The following ANKLE2 variants were observed in gnomAD, a reference collection of about 807,000 sequenced individuals.
ANKLE2 encodes the protein ankyrin repeat and LEM domain containing 2.
ANKLE2 carries 55 observed loss-of-function variants against 84.2 expected under a neutral mutation model. That is an observed-to-expected ratio of 0.65 (90% CI 0.53 to 0.82). The LOEUF (loss-of-function observed/expected upper bound fraction) is 0.82, where lower values mean the gene tolerates loss of function less well. Among genes scored for constraint, ANKLE2 ranks in the 40% least tolerant of loss-of-function variants. The pLI, the probability that ANKLE2 is intolerant of heterozygous loss-of-function variation, is 0.00. For synonymous variants in ANKLE2, 551 were observed against 486.1 expected (o/e 1.13, Z -1.76); for missense variants, 1,238 against 1,201.9 (o/e 1.03, Z -0.44).
intron 5 of ANKLE2, chr12:132,745,259 A>G (rs1005243581): frequency 2.3e-4 from 44 of 190,330 alleles, no homozygotes; most frequent in Admixed American, 4.4e-4. Context: ...TGCCCAGGCT[A>G]CTGCTGTTGA....
chr12:132,752,617 C>T (rs138928804), intron 2 of ANKLE2, among the ~76,000 whole-genome samples: 255 of 152,202 alleles, frequency 1.7e-3, no homozygotes, highest in Non-Finnish European at 3.2e-3. Context: ...GATCTGCCTG[C>T]CTCGGCCTCC....
chr12:132,734,606 GT>G, intron 9 of ANKLE2, 31 bp from the exon 10 acceptor site: 2 of 1,571,188 alleles, frequency 1.3e-6, no homozygotes, highest in Non-Finnish European at 1.7e-6. Context: ...TTAACCAGCT[GT>G]GAAACCAGAA....
rs758943874 is a variant in ANKLE2, at chr12:132,747,823, T to C, written c.1230+9A>G. 1 of 1,590,104 alleles carries C rather than the reference T, an allele frequency of 6.3e-7. No homozygotes were observed. Among genetic ancestry groups the C allele is most frequent in the Non-Finnish European group, 8.5e-7 (1 of 1,174,348 alleles). ...ATAAAGAAAGCGTGAGTGGAGGGTG[T>C]GCACGCACCATCTTGTCGGGGGTGT... On this transcript the variant is annotated intron_variant, in intron 5 of 12. Coordinates refer to ENST00000357997, the MANE Select transcript of ANKLE2 (RefSeq NM_015114.3).
rs1785369217 is a variant in ANKLE2, at chr12:132,727,173, G to C, written c.*69C>G. 1 of 1,410,408 alleles carries C rather than the reference G, an allele frequency of 7.1e-7. No homozygotes were observed. Among genetic ancestry groups the C allele is most frequent in the South Asian group, 1.5e-5 (1 of 68,216 alleles). The allele number at this position is 1,410,408 out of a possible 1,614,324, so 87.4% of individuals were successfully genotyped here. A position where few individuals can be genotyped will look rare whatever the true frequency, so the allele number is the denominator to read the frequency against. On this transcript the variant is annotated 3_prime_UTR_variant, in exon 13 of 13. Coordinates refer to ENST00000357997, the MANE Select transcript of ANKLE2 (RefSeq NM_015114.3). Reference sequence around the variant, plus strand: ...AATCAGAATATATTCCTTTTTGACAGTTTAGCAATAAACATATGACCCTTC... The same window carrying C: ...AATCAGAATATATTCCTTTTTGACACTTTAGCAATAAACATATGACCCTTC...
At chr12:132,733,997 T>C (rs929427132) in intron 10 of ANKLE2, 12 of 460,272 alleles carry the variant, frequency 2.6e-5, no homozygotes, top group African/African-American at 2.4e-4. Flanking sequence ...AACATTAACC[T>C]TCCCAGCACT....
In ANKLE2 at chr12:132,743,374, T is replaced by A; in HGVS notation, c.1231-98A>T. 7.1e-7 allele frequency: 1 copy of A among 1,415,842 alleles called. No homozygotes were observed. Among genetic ancestry groups the A allele is most frequent in the Non-Finnish European group, 9.4e-7 (1 of 1,066,462 alleles). The allele number at this position is 1,415,842 out of a possible 1,614,324, so 87.7% of individuals were successfully genotyped here. A position where few individuals can be genotyped will look rare whatever the true frequency, so the allele number is the denominator to read the frequency against. On this transcript the variant is annotated intron_variant, in intron 5 of 12. Transcript: ENST00000357997. The surrounding 1 kb of genome is among the most constrained non-coding windows in gnomAD (Gnocchi z 4.1). ...ATTCATTCATTCATTCATTCATTTA[T>A]TTATTTTGAGACGGAGTCTCACTGG...
intron 3 of ANKLE2, among the ~76,000 whole-genome samples, chr12:132,749,304 T>C (rs2044307584): frequency 6.6e-6 from 1 of 152,056 alleles, no homozygotes; most frequent in African/African-American, 2.4e-5. Context: ...TACAGGCACC[T>C]GCCACCACGG....
chr12:132,740,260 A>T (rs2044094769), intron 7 of ANKLE2, among the ~76,000 whole-genome samples: 1 of 152,180 alleles, frequency 6.6e-6, no homozygotes, highest in African/African-American at 2.4e-5. Context: ...ACAGCTACAC[A>T]CACTGAAGAA....
Position 132,727,407 on chromosome 12 carries a change from A to C in ANKLE2, c.2652T>G (p.Ser884=). 6.4e-7 allele frequency: 1 copy of C among 1,561,052 alleles called. No individual in the cohort carries two copies. Among genetic ancestry groups the C allele is most frequent in the Non-Finnish European group, 8.7e-7 (1 of 1,152,422 alleles). Residue 884 remains serine, a synonymous_variant, in exon 13 of 13, where the codon TCT becomes TCG. Coordinates refer to ENST00000357997, the MANE Select transcript of ANKLE2 (RefSeq NM_015114.3). ...PSPAVKGRFK[S]QLPDLSGPHS... ...GAGGGCCACTGAGATCTGGCAGCTG[A>C]GACTTGAACCTTCCTTTCACCGCGG...
intron 5 of ANKLE2, 97 bp downstream of exon 5, chr12:132,747,735 A>G: frequency 2.1e-6 from 3 of 1,454,042 alleles, no homozygotes; most frequent in Non-Finnish European, 2.8e-6. Flanking sequence ...CCCCAAAGTT[A>G]TTATACTAAT....
Position 132,743,080 on chromosome 12 carries a change from G to A in ANKLE2, c.1353+74C>T, listed in dbSNP as rs1170535979. The A allele has an allele frequency of 4.0e-5, 57 of 1,421,842 alleles. No homozygotes were observed. In the East Asian group the frequency reaches 1.4e-3, roughly 34 times the overall value. 88.1% of individuals were successfully genotyped at this position (1,421,842 alleles called of 1,614,324 possible). On this transcript the variant is annotated intron_variant, in intron 6 of 12. Coordinates refer to ENST00000357997, the MANE Select transcript of ANKLE2 (RefSeq NM_015114.3). The surrounding 1 kb of genome is among the most constrained non-coding windows in gnomAD (Gnocchi z 4.1). ...AGCTCCTTGTGGCTTCCCTGTGCCT[G>A]TGATCACAGACTGTAAATTTATATA...
rs375915843 is a variant in ANKLE2, at chr12:132,727,378, C to T, written c.2681G>A (p.Ser894Asn). Residue 894 changes from serine (S) to asparagine (N), a missense_variant, in exon 13 of 13, where the codon AGC (serine) becomes AAC (asparagine). By Grantham distance (46) the Ser-to-Asn change is conservative. Transcript: ENST00000357997. ...CACGCTGTTTCTCCCCGGACTGTAG[C>T]TGTGAGGGCCACTGAGATCTGGCAG... is the stretch of plus-strand genomic sequence containing the variant. ...SQLPDLSGPH[S>N]YSPGRNSVAG... 179 of 1,561,590 alleles carry T rather than the reference C, an allele frequency of 1.1e-4. 1 individual carries two copies. The African/African-American group carries it at 2.1e-3, about 19-fold the overall frequency.
chr12:132,744,406 A>G (rs2044191259), intron 5 of ANKLE2, among the ~76,000 whole-genome samples: 1 of 152,154 alleles, frequency 6.6e-6, no homozygotes, highest in East Asian at 1.9e-4. Flanking sequence ...CATGGCAGCC[A>G]TCCCTAAGCT....
chr12:132,735,956 T>A (rs1274699731), intron 8 of ANKLE2, among the ~76,000 whole-genome samples: 2 of 152,338 alleles, frequency 1.3e-5, no homozygotes, highest in African/African-American at 4.8e-5. Context: ...GGGGCCATTT[T>A]CTTTTTTGTT....
In ANKLE2 at chr12:132,736,905, C is replaced by G. The variant is rs1356713557; in HGVS notation, c.1581G>C (p.Leu527=). 10 of 1,608,298 alleles carry G rather than the reference C, an allele frequency of 6.2e-6. No homozygotes were observed. The highest frequency in any genetic ancestry group is 1.3e-5 in the African/African-American group (1 of 74,844). ...VLTLRAFAGP[L]SPAKAEDFRK... ...TACAGCAGCTCACCTTGGCTGGACT[C>G]AGGGGCCCTGCGAAGGCTCTCAGGG... The change falls in exon 8 of 13, where the codon CTG becomes CTC. Residue 527 remains leucine (L), a synonymous_variant. Coordinates refer to ENST00000357997, the MANE Select transcript of ANKLE2 (RefSeq NM_015114.3).
chr12:132,759,550 G>T (rs1295427506), intron 1 of ANKLE2: 1 of 151,996 alleles, frequency 6.6e-6, no homozygotes, highest in African/African-American at 2.4e-5. Context: ...TGATATACAC[G>T]TATCATATGC....
rs532413713 is a variant in ANKLE2, at chr12:132,734,114, G to A, written c.1891+271C>T. 333 of 552,682 alleles carry A rather than the reference G, an allele frequency of 6.0e-4. 1 individual carries two copies. Among genetic ancestry groups the A allele is most frequent in the African/African-American group, 5.3e-3 (279 of 53,074 alleles). The allele number at this position is 552,682 out of a possible 1,614,324, so 34.2% of individuals were successfully genotyped here. A position where few individuals can be genotyped will look rare whatever the true frequency, so the allele number is the denominator to read the frequency against. ...ACGAAAATTAGCCAGGCGTGGTGGC[G>A]GGCGCCTGTAGTCCCAGCTACTCAG... On this transcript the variant is annotated intron_variant, in intron 10 of 12. Coordinates refer to ENST00000357997, the MANE Select transcript of ANKLE2 (RefSeq NM_015114.3).
rs538632839 is a variant in ANKLE2 at position 132,741,665 on chromosome 12, G to A, written c.1354-180C>T. Reference sequence around the variant, plus strand: ...AGTGTGGTCTTTCTAAAAGTCTAAGGAGACAGCTAGGAGAACACACTCTGG... The same window carrying A: ...AGTGTGGTCTTTCTAAAAGTCTAAGAAGACAGCTAGGAGAACACACTCTGG... On this transcript the variant is annotated intron_variant, in intron 6 of 12. Transcript: ENST00000357997. 144 of 679,738 alleles carry A rather than the reference G, an allele frequency of 2.1e-4. 3 individuals are homozygous for A. The South Asian group carries it at 2.3e-3, about 11-fold the overall frequency. 42.1% of individuals were successfully genotyped at this position (679,738 alleles called of 1,614,324 possible).
intron 2 of ANKLE2, among the ~76,000 whole-genome samples, chr12:132,751,646 G>A (rs1032487669): frequency 7.3e-5 from 11 of 151,638 alleles, no homozygotes; most frequent in African/African-American, 1.5e-4. Flanking sequence ...AGGTCCAAGC[G>A]ATTCTCCCGT....
Sources: gnomAD v4.1 joint callset for allele counts (sites outside exome capture counted in the v4.1 genomes callset) on GRCh38, gnomAD v4.1.1 for gene constraint, Gnocchi (gnomAD v3.1) non-coding constraint, MANE v1.5 for transcripts, NCBI Gene and HGNC (gene_info 2026-07-23, HGNC 2026-07-21) for gene names.